PALS2: variants seen among roughly 807,000 people sequenced by gnomAD.
The protein encoded by PALS2 is protein associated with LIN7 2, MAGUK p55 family member, also known as protein PALS2.
PALS2 carries 27 observed loss-of-function variants against 61.6 expected under a neutral mutation model. The ratio of observed to expected loss-of-function variants is 0.44; its 90% CI spans 0.32 to 0.60. PALS2 has a LOEUF of 0.60. PALS2 is among the 20% of genes least tolerant of loss of function. PALS2 has a pLI of 0.05. For missense variants in PALS2, 554 were observed against 639.4 expected, an observed-to-expected ratio of 0.87 and a Z score of 1.44; for synonymous variants, 236 against 218.6, an observed-to-expected ratio of 1.08 and a Z score of -0.70.
chr7:24,644,583 G>C (rs1024266808), intron 3 of PALS2, among the ~76,000 whole-genome samples: 1 of 151,882 alleles, frequency 6.6e-6, no homozygotes, highest in African/African-American at 2.4e-5. Context: ...TGTCTTTGCT[G>C]TTGTGAATAG....
intron 9 of PALS2, among the ~76,000 whole-genome samples, chr7:24,669,104 G>A (rs1251660068): frequency 6.6e-6 from 1 of 152,178 alleles, no homozygotes; most frequent in Non-Finnish European, 1.5e-5. Flanking sequence ...TCTCAGTCAT[G>A]CAAGGTCATA....
rs531989299 is a variant in PALS2 at position 24,617,169 on chromosome 7, T to C, written c.-2-6497T>C. ...TTCTTCTGCCTGGTCTAGTCCTTTGTTGAAGCTCTTCATTGTATTTTCTTC... is the reference window on the plus strand; with the variant it reads ...TTCTTCTGCCTGGTCTAGTCCTTTGCTGAAGCTCTTCATTGTATTTTCTTC... On this transcript the variant is annotated intron_variant, in intron 1 of 11. Transcript: ENST00000222644. Among the ~76,000 whole-genome samples, 4 of 152,268 alleles carry C rather than the reference T, an allele frequency of 2.6e-5. No individual in the cohort carries two copies. The South Asian group carries it at 8.3e-4, about 32-fold the overall frequency.
intron 2 of PALS2, among the ~76,000 whole-genome samples, chr7:24,630,653 C>T (rs1379557617): frequency 2.0e-5 from 3 of 152,136 alleles, no homozygotes; most frequent in Non-Finnish European, 4.4e-5. Flanking sequence ...TCAATACCTG[C>T]CTTCAAAGGA....
intron 2 of PALS2, 67 bp downstream of exon 2, chr7:24,623,851 A>C (rs1324184380): frequency 8.2e-7 from 1 of 1,219,168 alleles, no homozygotes. Flanking sequence ...ATATTTTCAG[A>C]TATTACTATT....
chr7:24,575,334 T>C (rs926883677), intron 1 of PALS2, among the ~76,000 whole-genome samples: 3 of 152,212 alleles, frequency 2.0e-5, no homozygotes, highest in African/African-American at 7.2e-5. Flanking sequence ...AGTAGCTCTA[T>C]ATAAGACAGA....
intron 2 of PALS2, among the ~76,000 whole-genome samples, chr7:24,632,062 A>G (rs1785018986): frequency 6.6e-6 from 1 of 152,180 alleles, no homozygotes; most frequent in South Asian, 2.1e-4. Flanking sequence ...TTCAACTATA[A>G]TAGTAGATTA....
intron 2 of PALS2, among the ~76,000 whole-genome samples, chr7:24,639,405 T>TAC (rs10607962): frequency 0.029 from 4,249 of 148,614 alleles, 124 homozygotes; most frequent in African/African-American, 0.075. Context: ...CTTTGCTGAA[T>TAC]ACACACACAC....
intron 8 of PALS2, among the ~76,000 whole-genome samples, chr7:24,667,790 G>C (rs951036859): frequency 2.0e-5 from 3 of 149,722 alleles, no homozygotes; most frequent in African/African-American, 7.4e-5. Flanking sequence ...TCAGCCCCCT[G>C]AGTAGCTGGG....
intron 1 of PALS2, among the ~76,000 whole-genome samples, chr7:24,582,342 G>A (rs1782876843): frequency 6.6e-6 from 1 of 152,088 alleles, no homozygotes; most frequent in Non-Finnish European, 1.5e-5. Flanking sequence ...AATTCTAGTC[G>A]CAGCTCATTT....
intron 1 of PALS2, among the ~76,000 whole-genome samples, chr7:24,598,513 A>T (rs532754028): frequency 6.6e-6 from 1 of 152,328 alleles, no homozygotes; most frequent in South Asian, 2.1e-4. Context: ...TTCTTTCACT[A>T]CATTGAACAA....
Position 24,650,625 on chromosome 7 carries a change from G to A in PALS2, c.564G>A (p.Lys188=), listed in dbSNP as rs1377175867. The A allele has an allele frequency of 6.2e-7, 1 of 1,612,344 alleles. No homozygotes were observed. Among genetic ancestry groups the A allele is most frequent in the Non-Finnish European group, 8.5e-7 (1 of 1,178,746 alleles). Residue 188 remains lysine (K), a synonymous_variant, in exon 5 of 12, where the codon AAG becomes AAA. Transcript: ENST00000222644. ...VNGHEVGNNP[K]ELQELLKNIS... ...GCCATGAGGTTGGAAATAATCCAAA[G>A]GAATTACAAGAATTACTGAAAAATA...
At chr7:24,614,217 G>T (rs761268749) in intron 1 of PALS2, among the ~76,000 whole-genome samples, 8 of 151,770 alleles carry the variant, frequency 5.3e-5, no homozygotes, top group Non-Finnish European at 1.2e-4. Context: ...TAGTGTAAAA[G>T]AGTTCCTTTT....
chr7:24,626,353 T>G (rs1444945442), intron 2 of PALS2, among the ~76,000 whole-genome samples: 1 of 152,014 alleles, frequency 6.6e-6, no homozygotes, highest in Non-Finnish European at 1.5e-5. Flanking sequence ...ACTCAAAATA[T>G]CTAATATATG....
chr7:24,641,796 C>T lies in PALS2; in HGVS notation c.198C>T (p.Asp66=), dbSNP rs1484648951. 1.9e-6 allele frequency: 3 copies of T among 1,612,694 alleles called. No individual in the cohort carries two copies. The African/African-American group carries it at 4.0e-5, about 22-fold the overall frequency. Residue 66 remains aspartate, a synonymous_variant, in exon 3 of 12, where the codon GAC becomes GAT. Coordinates refer to ENST00000222644, the MANE Select transcript of PALS2 (RefSeq NM_001303037.2). ...NLELVNEILE[D]ITPLINVDEN... ...AATTAGTCAATGAAATTCTTGAAGACATCACTCCTCTAATAAATGTGGATG... is the reference window on the plus strand; with the variant it reads ...AATTAGTCAATGAAATTCTTGAAGATATCACTCCTCTAATAAATGTGGATG...
At chr7:24,585,958 C>G (rs765145946) in intron 1 of PALS2, among the ~76,000 whole-genome samples, 6 of 152,164 alleles carry the variant, frequency 3.9e-5, no homozygotes, top group Admixed American at 3.9e-4. Context: ...TTGGAGTTCC[C>G]TCTTTTGCAA....
intron 9 of PALS2, among the ~76,000 whole-genome samples, chr7:24,675,239 A>G (rs1332796878): frequency 6.6e-6 from 1 of 152,094 alleles, no homozygotes; most frequent in Non-Finnish European, 1.5e-5. Context: ...ATTCCCCTAT[A>G]TGGTTTCACT....
In PALS2 at chr7:24,582,672, C is replaced by G. The variant is rs183072448; in HGVS notation, c.-3+9079C>G. Among the ~76,000 whole-genome samples the G allele has an allele frequency of 1.4e-4, 22 of 151,898 alleles. No homozygotes were observed. In the East Asian group the frequency reaches 3.1e-3, roughly 21 times the overall value. On this transcript the variant is annotated intron_variant, in intron 1 of 11. Transcript: ENST00000222644. ...ACATAATAAAATGTTATATGGAAAA[C>G]CTAACTTTAGTTACATAAATAAAAA...
intron 1 of PALS2, among the ~76,000 whole-genome samples, chr7:24,597,866 G>A (rs1783580574): frequency 6.6e-6 from 1 of 152,108 alleles, no homozygotes; most frequent in Non-Finnish European, 1.5e-5. Context: ...TTGAAATAGA[G>A]AATATGAGAG....
At chr7:24,650,363 A>G (rs78134612) in intron 4 of PALS2, 122 bp from the exon 5 acceptor site, 46,364 of 816,416 alleles carry the variant, frequency 0.057, 1,577 homozygotes, top group African/African-American at 0.11. Context: ...AGGAGAGAAC[A>G]TGGGAAAAGT....
Sources: allele counts gnomAD v4.1 joint callset (sites outside exome capture counted in the v4.1 genomes callset), GRCh38; gene constraint gnomAD v4.1.1; transcripts MANE v1.5; gene names NCBI Gene and HGNC (gene_info 2026-07-23, HGNC 2026-07-21).